The following CASTOR2 variants were observed in gnomAD, a reference collection of about 807,000 sequenced individuals.
The protein encoded by CASTOR2 is GATS protein like 2.
A neutral mutation model predicts 31.2 loss-of-function variants in CASTOR2; 8 were observed. The observed-to-expected ratio is 0.26, with a 90% CI of 0.15 to 0.46. The LOEUF (loss-of-function observed/expected upper bound fraction) is 0.46, where lower values mean the gene tolerates loss of function less well. Among genes scored for constraint, CASTOR2 ranks in the 20% least tolerant of loss-of-function variants. The pLI, the probability that CASTOR2 is intolerant of heterozygous loss-of-function variation, is 0.99. For missense variants in CASTOR2, 216 were observed against 382.1 expected (o/e 0.57, Z 3.62); for synonymous variants, 162 against 158.7 (o/e 1.02, Z -0.16).
intron 2 of CASTOR2, 88 bp downstream of exon 2, chr7:75,008,152 ACCT>A: frequency 6.7e-7 from 1 of 1,501,526 alleles, no homozygotes; most frequent in South Asian, 1.1e-5. Flanking sequence ...TCCCCCGCCC[ACCT>A]CCTTATTTCT....
chr7:74,992,264 T>C (rs1284388485), intron 1 of CASTOR2, among the ~76,000 whole-genome samples: 1 of 152,114 alleles, frequency 6.6e-6, no homozygotes, highest in Admixed American at 6.6e-5. Flanking sequence ...TGTCTAAAGA[T>C]GATCTATTCC....
At chr7:74,999,600 G>C (rs1804444048) in intron 1 of CASTOR2, among the ~76,000 whole-genome samples, 1 of 65,488 alleles carries the variant, frequency 1.5e-5, no homozygotes, top group African/African-American at 7.8e-5. Flanking sequence ...ATCACTCACT[G>C]CTTTTTTTTT....
intron 1 of CASTOR2, among the ~76,000 whole-genome samples, chr7:75,003,740 C>G (rs1200789552): frequency 1.3e-5 from 2 of 151,608 alleles, no homozygotes; most frequent in Non-Finnish European, 2.9e-5. Flanking sequence ...CAGAGCGAGA[C>G]TCCATCTCAA....
chr7:75,006,329 C>G (rs1282512742), intron 1 of CASTOR2, among the ~76,000 whole-genome samples: 1 of 152,110 alleles, frequency 6.6e-6, no homozygotes, highest in Non-Finnish European at 1.5e-5. Flanking sequence ...AAGGGCTGGG[C>G]CATTTTGTAC....
At chr7:75,013,365 C>T (rs1350959055) in intron 2 of CASTOR2, among the ~76,000 whole-genome samples, 1 of 152,188 alleles carries the variant, frequency 6.6e-6, no homozygotes, top group Non-Finnish European at 1.5e-5. Context: ...GATTCTTGGT[C>T]TGAGCACAGT....
rs1347985537 is a variant in CASTOR2, at chr7:75,026,161, G to C, written c.*1462G>C. Among the ~76,000 whole-genome samples the C allele has an allele frequency of 6.7e-6, 1 of 149,454 alleles. No individual in the cohort carries two copies. Among genetic ancestry groups the C allele is most frequent in the Admixed American group, 6.7e-5 (1 of 14,852 alleles). On this transcript the variant is annotated 3_prime_UTR_variant, in exon 9 of 9. Coordinates refer to ENST00000616305, the MANE Select transcript of CASTOR2 (RefSeq NM_001145064.3). ...GGTTTTCTGAATGAGCAGGACCAAGGGCCCCTGTGGTTTTGGCTCTGGCGG... is the reference window on the plus strand; with the variant it reads ...GGTTTTCTGAATGAGCAGGACCAAGCGCCCCTGTGGTTTTGGCTCTGGCGG...
chr7:74,986,698 C>T (rs1463457119), intron 1 of CASTOR2, among the ~76,000 whole-genome samples: 1 of 152,062 alleles, frequency 6.6e-6, no homozygotes, highest in East Asian at 1.9e-4. Context: ...CAGCTCCTAC[C>T]TATACTGCAG....
chr7:74,992,153 A>T (rs587598658), intron 1 of CASTOR2, among the ~76,000 whole-genome samples: 1 of 151,972 alleles, frequency 6.6e-6, no homozygotes, highest in South Asian at 2.1e-4. Context: ...GCTCAGGGGG[A>T]TGGGTCACTG....
chr7:74,975,958 A>T (rs1449184382), intron 1 of CASTOR2, among the ~76,000 whole-genome samples: 2 of 149,840 alleles, frequency 1.3e-5, no homozygotes, highest in African/African-American at 4.9e-5. Flanking sequence ...CCCACCCCCA[A>T]CCGGCAGAGC....
chr7:74,975,231 G>A (rs1318568300), intron 1 of CASTOR2, among the ~76,000 whole-genome samples: 5 of 151,532 alleles, frequency 3.3e-5, no homozygotes, highest in Non-Finnish European at 4.4e-5. Flanking sequence ...GCCTCCCAAC[G>A]TGCTGGGATT....
At chr7:75,008,157 C>T (rs1804646888) in intron 2 of CASTOR2, 93 bp downstream of exon 2, 8 of 1,490,490 alleles carry the variant, frequency 5.4e-6, no homozygotes, top group Non-Finnish European at 7.5e-6. Flanking sequence ...CGCCCACCTC[C>T]TTATTTCTGC....
At chr7:75,017,185 A>G (rs1483798268) in intron 2 of CASTOR2, among the ~76,000 whole-genome samples, 1 of 152,098 alleles carries the variant, frequency 6.6e-6, no homozygotes, top group Non-Finnish European at 1.5e-5. Context: ...GCGGTGGCTC[A>G]CGCCTGTAAT....
rs1804908295 is a variant in CASTOR2, at chr7:75,018,073, G to T, written c.462G>T (p.Val154=). The change falls in exon 4 of 9, where the codon GTG becomes GTT. Residue 154 remains valine (V), a synonymous_variant. Transcript: ENST00000616305. ...TGCGGGTCGTCAATGGCGAGACCGTGGCAGCCGAGAACCTCGGCATCACCA... is the reference window on the plus strand; with the variant it reads ...TGCGGGTCGTCAATGGCGAGACCGTTGCAGCCGAGAACCTCGGCATCACCA... ...TILRVVNGET[V]AAENLGITNG... The T allele has an allele frequency of 6.2e-7, 1 of 1,614,076 alleles. No individual in the cohort carries two copies. The highest frequency in any genetic ancestry group is 1.3e-5 in the African/African-American group (1 of 74,956).
At position 75,025,271 on chromosome 7, in the gene CASTOR2, G is replaced by T. The variant is rs1805095841; in HGVS notation, c.*572G>T. ...GAGGCTCAGACAGGAACCCAGGTGG[G>T]ATCCCCGAGCTGGGAAGGACCCAGA... On this transcript the variant is annotated 3_prime_UTR_variant, in exon 9 of 9. Transcript: ENST00000616305. Among the ~76,000 whole-genome samples, 1 of 152,184 alleles carries T rather than the reference G, an allele frequency of 6.6e-6. No homozygotes were observed. The highest frequency in any genetic ancestry group is 2.1e-4 in the South Asian group (1 of 4,828).
chr7:74,989,345 C>T (rs1287010423), intron 1 of CASTOR2, among the ~76,000 whole-genome samples: 1 of 151,686 alleles, frequency 6.6e-6, no homozygotes, highest in Non-Finnish European at 1.5e-5. Context: ...CAGCCTGGAC[C>T]TCCTGGGCTC....
intron 7 of CASTOR2, among the ~76,000 whole-genome samples, chr7:75,022,605 C>T (rs1055513263): frequency 4.0e-5 from 6 of 151,840 alleles, no homozygotes; most frequent in Non-Finnish European, 7.4e-5. Context: ...GAGTACCAGC[C>T]TGGCCAATAT....
intron 1 of CASTOR2, among the ~76,000 whole-genome samples, chr7:74,990,929 G>A (rs1244078616): frequency 6.6e-6 from 1 of 151,852 alleles, no homozygotes. Flanking sequence ...AATAAAATAA[G>A]AAATTAGTTG....
intron 5 of CASTOR2, among the ~76,000 whole-genome samples, chr7:75,019,348 G>A (rs1804939567): frequency 6.6e-6 from 1 of 151,966 alleles, no homozygotes; most frequent in South Asian, 2.1e-4. Context: ...CTAGTCTGAT[G>A]GGGGACACAT....
At chr7:74,992,006 GATGAC>G (rs1804222959) in intron 1 of CASTOR2, among the ~76,000 whole-genome samples, 1 of 152,108 alleles carries the variant, frequency 6.6e-6, no homozygotes, top group African/African-American at 2.4e-5. Flanking sequence ...AGGCTTGGAA[GATGAC>G]AGCAGGGATG....
Sources: gnomAD v4.1 joint callset for allele counts (sites outside exome capture counted in the v4.1 genomes callset) on GRCh38, gnomAD v4.1.1 for gene constraint, MANE v1.5 for transcripts, NCBI Gene and HGNC (gene_info 2026-07-23, HGNC 2026-07-21) for gene names.